PPARGC1A: variants seen among roughly 807,000 people sequenced by gnomAD.
The protein encoded by PPARGC1A is PPARG coactivator 1 alpha, also known as peroxisome proliferator-activated receptor gamma coactivator 1-alpha.
In PPARGC1A, 25 loss-of-function variants were observed where a neutral mutation model predicts 88.7. The observed-to-expected ratio is 0.28, with a 90% confidence interval of 0.21 to 0.39. The LOEUF (loss-of-function observed/expected upper bound fraction) is 0.39, where lower values mean the gene tolerates loss of function less well. Ranked by LOEUF, PPARGC1A falls within the 10% of genes least tolerant of loss-of-function variation. PPARGC1A has a pLI of 1.00. For synonymous variants in PPARGC1A, 363 were observed against 355.6 expected (o/e 1.02, Z -0.24); for missense variants, 880 against 968.7 (o/e 0.91, Z 1.22).
chr4:24,173,805 T>C, the PPARGC1A span, among the ~76,000 whole-genome samples: 1 of 152,238 alleles, frequency 6.6e-6, no homozygotes. Flanking sequence ...AGAGTTGTTA[T>C]GAATATTAAA....
the PPARGC1A span, among the ~76,000 whole-genome samples, chr4:23,945,255 C>CT: frequency 6.6e-5 from 10 of 151,934 alleles, no homozygotes; most frequent in African/African-American, 2.2e-4. Context: ...TTTATTTTTG[C>CT]TTATCTTTAT....
At chr4:24,122,453 AGAGAGAG>A in the PPARGC1A span, among the ~76,000 whole-genome samples, 71 of 150,556 alleles carry the variant, frequency 4.7e-4, no homozygotes, top group East Asian at 1.6e-3. Context: ...AGAGAGAGAG[AGAGAGAG>A]ATCTATATAA....
chr4:24,029,533 G>A, the PPARGC1A span, among the ~76,000 whole-genome samples: 85 of 152,148 alleles, frequency 5.6e-4, no homozygotes, highest in South Asian at 0.015. Context: ...AAATCATCTC[G>A]GAGCCTTGAT....
At chr4:23,895,461 A>G (rs984650211) in intron 1 of PPARGC1A, among the ~76,000 whole-genome samples, 1 of 151,824 alleles carries the variant, frequency 6.6e-6, no homozygotes. Flanking sequence ...ATGTATATAC[A>G]TATATCCCAA....
upstream of PPARGC1A, among the ~76,000 whole-genome samples, chr4:23,907,875 C>A (rs1382156823): frequency 1.3e-5 from 2 of 152,156 alleles, no homozygotes; most frequent in African/African-American, 4.8e-5. Context: ...CTCAGGAATG[C>A]ACAAACATGT....
At chr4:23,892,544 G>GTTTTTTTTTTTTTTTT (rs34009315), upstream of PPARGC1A, among the ~76,000 whole-genome samples, 1 of 144,102 alleles carries the variant, frequency 6.9e-6, no homozygotes, top group Non-Finnish European at 1.5e-5. Flanking sequence ...CTTCAGTCCA[G>GTTTTTTTTTTTTTTTT]TTTTTTTTTT....
chr4:24,355,835 T>G, the PPARGC1A span, among the ~76,000 whole-genome samples: 1 of 152,128 alleles, frequency 6.6e-6, no homozygotes. Context: ...GCCATCAATT[T>G]AAAACAGGTT....
At chr4:23,870,674 T>C (rs186324129) in intron 2 of PPARGC1A, among the ~76,000 whole-genome samples, 3 of 152,176 alleles carry the variant, frequency 2.0e-5, no homozygotes, top group Non-Finnish European at 4.4e-5. Context: ...GGGAATAAAA[T>C]GTGCTCCATC....
chr4:24,300,324 A>ACTTTTTTT, the PPARGC1A span, among the ~76,000 whole-genome samples: 1 of 45,000 alleles, frequency 2.2e-5, no homozygotes, highest in Non-Finnish European at 4.4e-5. Context: ...ATACAATAGC[A>ACTTTTTTT]TTTTTTTTTT....
the PPARGC1A span, among the ~76,000 whole-genome samples, chr4:24,442,642 A>G: frequency 6.6e-6 from 1 of 152,222 alleles, no homozygotes; most frequent in Non-Finnish European, 1.5e-5. Context: ...TTTGGCAAAC[A>G]AGAGAGGGGG....
At chr4:24,042,013 ATTATGTAT>A in the PPARGC1A span, among the ~76,000 whole-genome samples, 1 of 152,084 alleles carries the variant, frequency 6.6e-6, no homozygotes, top group South Asian at 2.1e-4. Context: ...TATTTCTCAT[ATTATGTAT>A]TTATCACATA....
the PPARGC1A span, among the ~76,000 whole-genome samples, chr4:24,113,857 C>A: frequency 1.9e-3 from 282 of 152,026 alleles, 9 homozygotes; most frequent in Non-Finnish European, 5.6e-4. Context: ...GGTACAGTGG[C>A]TCACACCTGT....
chr4:24,396,778 C>A, the PPARGC1A span, among the ~76,000 whole-genome samples: 2 of 152,094 alleles, frequency 1.3e-5, no homozygotes, highest in Admixed American at 6.6e-5. Flanking sequence ...TATTCCCTTT[C>A]GGCTTTTTTG....
At chr4:24,420,915 G>C in the PPARGC1A span, among the ~76,000 whole-genome samples, 1 of 152,140 alleles carries the variant, frequency 6.6e-6, no homozygotes, top group African/African-American at 2.4e-5. Flanking sequence ...GTGAGGGCCT[G>C]CTCCTCATAG....
chr4:24,013,659 C>A, the PPARGC1A span, among the ~76,000 whole-genome samples: 47 of 152,136 alleles, frequency 3.1e-4, 1 homozygote, highest in Admixed American at 2.2e-3. Flanking sequence ...TGAATTCTGT[C>A]CTTACTCTCC....
At chr4:24,454,464 A>G in the PPARGC1A span, among the ~76,000 whole-genome samples, 1 of 152,172 alleles carries the variant, frequency 6.6e-6, no homozygotes, top group African/African-American at 2.4e-5. Flanking sequence ...GGCCCAGTGC[A>G]GTGGTTCACA....
chr4:24,292,317 C>T, the PPARGC1A span, among the ~76,000 whole-genome samples: 25 of 151,962 alleles, frequency 1.6e-4, 3 homozygotes, highest in Admixed American at 1.4e-3. Flanking sequence ...GAAAAGAAGG[C>T]CATGAGAGAT....
At chr4:23,843,636 A>G (rs1727460165) in intron 2 of PPARGC1A, among the ~76,000 whole-genome samples, 1 of 152,098 alleles carries the variant, frequency 6.6e-6, no homozygotes. Flanking sequence ...AAGGAAGAAC[A>G]CTGTACAATA....
At chr4:24,289,891 T>C in the PPARGC1A span, among the ~76,000 whole-genome samples, 1 of 152,292 alleles carries the variant, frequency 6.6e-6, no homozygotes, top group African/African-American at 2.4e-5. Flanking sequence ...GGGTAATTTA[T>C]AAAGGAAAGA....
Sources: gnomAD v4.1 joint callset for allele counts (sites outside exome capture counted in the v4.1 genomes callset) on GRCh38, gnomAD v4.1.1 for gene constraint, MANE v1.5 for transcripts, NCBI Gene and HGNC (gene_info 2026-07-23, HGNC 2026-07-21) for gene names.